Variants in RXRA observed in about 807,000 individuals in gnomAD.
RXRA encodes the protein retinoic acid receptor RXR-alpha.
A neutral mutation model predicts 44.5 loss-of-function variants in RXRA; 5 were observed. The observed-to-expected ratio is 0.11, with a 90% CI of 0.06 to 0.24. The LOEUF (loss-of-function observed/expected upper bound fraction) is 0.24, where lower values mean the gene tolerates loss of function less well. Among genes scored for constraint, RXRA ranks in the 10% least tolerant of loss-of-function variants. The pLI is 1.00. For missense variants in RXRA, 412 were observed against 646.5 expected, an observed-to-expected ratio of 0.64 and a Z score of 3.93; for synonymous variants, 291 against 271.4, an observed-to-expected ratio of 1.07 and a Z score of -0.71.
At chr9:134,381,886 G>A (rs993394074) in intron 1 of RXRA, among the ~76,000 whole-genome samples, 1 of 152,168 alleles carries the variant, frequency 6.6e-6, no homozygotes, top group African/African-American at 2.4e-5. Context: ...CCCACAGGAT[G>A]AGTTGGATGC....
intron 1 of RXRA, among the ~76,000 whole-genome samples, chr9:134,355,102 C>T (rs760331579): frequency 4.8e-4 from 73 of 152,354 alleles, no homozygotes; most frequent in East Asian, 3.9e-4. Context: ...ATTCTGCCCA[C>T]GTTGGCTTTT....
In RXRA at chr9:134,326,541, C is replaced by T. The variant is rs1268087859; in HGVS notation, c.-91C>T. 1.5e-5 allele frequency: 3 copies of T among 198,422 alleles called. No homozygotes were observed. Among genetic ancestry groups the T allele is most frequent in the Non-Finnish European group, 2.6e-5 (3 of 114,974 alleles). The allele number at this position is 198,422 out of a possible 1,614,324, so 12.3% of individuals were successfully genotyped here. A position where few individuals can be genotyped will look rare whatever the true frequency, so the allele number is the denominator to read the frequency against. ...GCCGCCACCGCAGCCGCCGGCTCCC[C>T]GCCGCCCGGGCCCGGGCCGGCCGCG... On this transcript the variant is annotated 5_prime_UTR_variant, in exon 1 of 10. Transcript: ENST00000481739.
intron 4 of RXRA, among the ~76,000 whole-genome samples, chr9:134,415,009 C>G (rs1017711988): frequency 6.6e-6 from 1 of 152,206 alleles, no homozygotes; most frequent in Non-Finnish European, 1.5e-5. Flanking sequence ...CATTTGCCCA[C>G]CAGCCCTGCT....
At chr9:134,360,221 G>C (rs1006811390) in intron 1 of RXRA, among the ~76,000 whole-genome samples, 6 of 152,198 alleles carry the variant, frequency 3.9e-5, no homozygotes, top group Non-Finnish European at 7.4e-5. Context: ...CCTCGGTGGG[G>C]GGCACTGGGC....
chr9:134,378,750 G>A (rs1425135455), intron 1 of RXRA, among the ~76,000 whole-genome samples: 1 of 152,192 alleles, frequency 6.6e-6, no homozygotes, highest in South Asian at 2.1e-4. Context: ...CTGGAGTTGG[G>A]GTTTGCCGAG....
In RXRA at chr9:134,343,440, TA is replaced by T. The variant is rs1554748321; in HGVS notation, c.28+16782del. ...CGTCAGCATCCTGCAGCCCCTGGAA[TA>T]GGGGGCGCTCAGTGTAGGGCAAAGG... is the stretch of plus-strand genomic sequence containing the variant. On this transcript the variant is annotated intron_variant, in intron 1 of 9. Transcript: ENST00000481739. This position sits in a 1 kb window ranked among gnomAD's most constrained non-coding sequence, Gnocchi z 4.1. Among the ~76,000 whole-genome samples the T allele has an allele frequency of 6.6e-6, 1 of 151,976 alleles. No homozygotes were observed. The highest frequency in any genetic ancestry group is 2.1e-4 in the South Asian group (1 of 4,816).
chr9:134,367,318 A>T (rs1168137997), intron 1 of RXRA, among the ~76,000 whole-genome samples: 1 of 151,996 alleles, frequency 6.6e-6, no homozygotes, highest in African/African-American at 2.4e-5. Flanking sequence ...GCAGGGACTG[A>T]GTCTGCGGTG....
chr9:134,386,589 C>G lies in RXRA; in HGVS notation c.29-15043C>G, dbSNP rs545750961. 5.3e-5 allele frequency among the ~76,000 whole-genome samples: 8 copies of G among 152,308 alleles called. No individual in the cohort carries two copies. The South Asian group carries it at 1.5e-3, about 28-fold the overall frequency. On this transcript the variant is annotated intron_variant, in intron 1 of 9. Transcript: ENST00000481739. The stretch of plus-strand genomic sequence containing the variant: ...GTGGAGCATGCCTGTGGTCTGGTCA[C>G]GGCTGCTCCGTACGTGGCCGTGCTG...
At chr9:134,387,958 T>A (rs1287118133) in intron 1 of RXRA, among the ~76,000 whole-genome samples, 1 of 152,150 alleles carries the variant, frequency 6.6e-6, no homozygotes, top group African/African-American at 2.4e-5. Context: ...GGAGGTGACA[T>A]TGGGGGGTTT....
intron 1 of RXRA, among the ~76,000 whole-genome samples, chr9:134,351,913 G>A (rs567807526): frequency 6.6e-6 from 1 of 152,324 alleles, no homozygotes; most frequent in South Asian, 2.1e-4. Context: ...TCAGATGGGT[G>A]CTCTGTTCTG....
chr9:134,379,483 G>C, intron 1 of RXRA: 1 of 986,716 alleles, frequency 1.0e-6, no homozygotes, highest in Non-Finnish European at 1.2e-6. Flanking sequence ...CCCCAGGACC[G>C]AGTCGCTGCC....
intron 1 of RXRA, among the ~76,000 whole-genome samples, chr9:134,378,323 C>T (rs1231339012): frequency 6.7e-6 from 1 of 149,356 alleles, no homozygotes; most frequent in Non-Finnish European, 1.5e-5. Flanking sequence ...TGCTGCCTTG[C>T]TGCCGCCACC....
chr9:134,371,542 A>G (rs1366942994), intron 1 of RXRA, among the ~76,000 whole-genome samples: 1 of 152,164 alleles, frequency 6.6e-6, no homozygotes, highest in Non-Finnish European at 1.5e-5. Flanking sequence ...GATCTCCCCT[A>G]GGCCTCGCCC....
In RXRA at chr9:134,431,804, G is replaced by C. The variant is rs547815080; in HGVS notation, c.1044-101G>C. 11 of 884,418 alleles carry C rather than the reference G, an allele frequency of 1.2e-5. No individual in the cohort carries two copies. The East Asian group carries it at 2.9e-4, about 23-fold the overall frequency. The allele number at this position is 884,418 out of a possible 1,614,324, so 54.8% of individuals were successfully genotyped here. On this transcript the variant is annotated intron_variant, in intron 7 of 9. Coordinates refer to ENST00000481739, the MANE Select transcript of RXRA (RefSeq NM_002957.6). ...GGCTTGGCCCATCTCAGCGGCCCTC[G>C]GGCCACGCCGGGCTCTCCAGAGGCC...
Position 134,349,867 on chromosome 9 carries a change from G to A in RXRA, c.28+23208G>A, listed in dbSNP as rs1554749263. ...GGCTCTCCTGTGGTAGGAGTCGGGT[G>A]GACAGTTTGCACGATCTCATCCTGC... On this transcript the variant is annotated intron_variant, in intron 1 of 9. Transcript: ENST00000481739. The surrounding 1 kb of genome is among the most constrained non-coding windows in gnomAD (Gnocchi z 4.3). Among the ~76,000 whole-genome samples the A allele has an allele frequency of 1.3e-5, 2 of 152,124 alleles. No homozygotes were observed. The highest frequency in any genetic ancestry group is 4.8e-5 in the African/African-American group (2 of 41,426).
chr9:134,419,098 C>T (rs867882808), intron 5 of RXRA, among the ~76,000 whole-genome samples: 53 of 152,290 alleles, frequency 3.5e-4, no homozygotes, highest in Middle Eastern at 3.4e-3. Context: ...CCGTTCTTTC[C>T]GGAGAAACCC....
At chr9:134,385,238 C>A (rs1433071638) in intron 1 of RXRA, among the ~76,000 whole-genome samples, 2 of 152,210 alleles carry the variant, frequency 1.3e-5, no homozygotes, top group Non-Finnish European at 2.9e-5. Flanking sequence ...ACGTCCACAC[C>A]CCCACACTCA....
At chr9:134,364,466 C>T (rs1482002948) in intron 1 of RXRA, among the ~76,000 whole-genome samples, 5 of 152,214 alleles carry the variant, frequency 3.3e-5, no homozygotes, top group African/African-American at 9.6e-5. Flanking sequence ...TGTGGGGGTC[C>T]GGCTGTCATG....
In RXRA at chr9:134,426,332, C is replaced by G; in HGVS notation, c.911-2776C>G. 1.0e-6 allele frequency: 1 copy of G among 985,264 alleles called. No individual in the cohort carries two copies. The highest frequency in any genetic ancestry group is 1.2e-6 in the Non-Finnish European group (1 of 829,882). 61.0% of individuals were successfully genotyped at this position (985,264 alleles called of 1,614,324 possible). ...GATGGAGCACTTAGGAAGGTGAAGACACCCCAAAGGTTACTGTAAAGTGGG... is the reference window on the plus strand; with the variant it reads ...GATGGAGCACTTAGGAAGGTGAAGAGACCCCAAAGGTTACTGTAAAGTGGG... On this transcript the variant is annotated intron_variant, in intron 6 of 9. Coordinates refer to ENST00000481739, the MANE Select transcript of RXRA (RefSeq NM_002957.6). This position sits in a 1 kb window ranked among gnomAD's most constrained non-coding sequence, Gnocchi z 4.6.
Sources: allele counts gnomAD v4.1 joint callset (sites outside exome capture counted in the v4.1 genomes callset), GRCh38; gene constraint gnomAD v4.1.1; non-coding constraint Gnocchi (gnomAD v3.1); transcripts MANE v1.5; gene names NCBI Gene and HGNC (gene_info 2026-07-23, HGNC 2026-07-21).